BRINP3: variants seen among roughly 807,000 people sequenced by gnomAD.
The protein encoded by BRINP3 is BMP/retinoic acid-inducible neural-specific protein 3.
In BRINP3, 19 loss-of-function variants were observed where a neutral mutation model predicts 71.0. The observed-to-expected ratio is 0.27, with a 90% CI of 0.19 to 0.39. BRINP3 has a LOEUF of 0.39. Ranked by LOEUF, BRINP3 falls within the 10% of genes least tolerant of loss-of-function variation. The pLI is 1.00. For missense variants in BRINP3, 959 were observed against 940.8 expected, an observed-to-expected ratio of 1.02 and a Z score of -0.25; for synonymous variants, 380 against 337.7, an observed-to-expected ratio of 1.13 and a Z score of -1.37.
intron 6 of BRINP3, among the ~76,000 whole-genome samples, chr1:190,163,490 A>T (rs1651202176): frequency 6.6e-6 from 1 of 152,092 alleles, no homozygotes; most frequent in African/African-American, 2.4e-5. Flanking sequence ...TTTGAGGACA[A>T]TGGAGAAACA....
intron 2 of BRINP3, among the ~76,000 whole-genome samples, chr1:190,349,516 T>G (rs1283441531): frequency 6.6e-6 from 1 of 152,126 alleles, no homozygotes; most frequent in Non-Finnish European, 1.5e-5. Context: ...GTGCTTTCTA[T>G]TAGTCATTTA....
intron 5 of BRINP3, among the ~76,000 whole-genome samples, chr1:190,230,260 A>G (rs564802815): frequency 1.3e-5 from 2 of 151,998 alleles, no homozygotes; most frequent in African/African-American, 4.8e-5. Context: ...AAACAAATAT[A>G]AAATAATATT....
intron 6 of BRINP3, among the ~76,000 whole-genome samples, chr1:190,182,402 T>C (rs566572157): frequency 2.8e-4 from 42 of 152,246 alleles, no homozygotes; most frequent in African/African-American, 9.9e-4. Flanking sequence ...GCTGTTCAGA[T>C]TGAATAATTT....
At chr1:190,304,190 T>G (rs1664931813) in intron 2 of BRINP3, among the ~76,000 whole-genome samples, 1 of 151,860 alleles carries the variant, frequency 6.6e-6, no homozygotes, top group Non-Finnish European at 1.5e-5. Flanking sequence ...ATCATTAAAA[T>G]GTTTCTTTTT....
intron 6 of BRINP3, among the ~76,000 whole-genome samples, chr1:190,187,465 T>A (rs949558055): frequency 6.6e-6 from 1 of 152,130 alleles, no homozygotes; most frequent in Non-Finnish European, 1.5e-5. Context: ...CAGACCAACA[T>A]CATGGAGGTA....
intron 2 of BRINP3, among the ~76,000 whole-genome samples, chr1:190,314,689 C>T (rs1488473995): frequency 6.6e-6 from 1 of 152,128 alleles, no homozygotes; most frequent in African/African-American, 2.4e-5. Context: ...TCCTGTTGGA[C>T]TTCTGGCCCC....
chr1:190,258,346 C>CGGGA (rs1558118067), intron 4 of BRINP3, among the ~76,000 whole-genome samples: 2 of 152,000 alleles, frequency 1.3e-5, no homozygotes, highest in African/African-American at 2.4e-5. Context: ...CCTGGAAAAA[C>CGGGA]GGGACACTCC....
chr1:190,224,382 G>C (rs529518633), intron 6 of BRINP3, among the ~76,000 whole-genome samples: 6 of 150,926 alleles, frequency 4.0e-5, no homozygotes, highest in African/African-American at 1.5e-4. Flanking sequence ...CATACGTTGG[G>C]GAAAAGAAAA....
rs144099810 is a variant in BRINP3 at position 190,174,963 on chromosome 1, C to A, written c.962-14073G>T. ...CTGCTGTAGAGGTGAGCTTCTCTGA[C>A]CATAGCTCTGAAAATCACCATTACT... is the stretch of plus-strand genomic sequence containing the variant. On this transcript the variant is annotated intron_variant, in intron 6 of 7. Coordinates refer to ENST00000367462, the MANE Select transcript of BRINP3 (RefSeq NM_199051.3). 1.2e-4 allele frequency among the ~76,000 whole-genome samples: 19 copies of A among 152,174 alleles called. No homozygotes were observed. The East Asian group carries it at 3.7e-3, about 29-fold the overall frequency.
At chr1:190,469,781 A>T (rs1308619786) in intron 1 of BRINP3, among the ~76,000 whole-genome samples, 3 of 151,090 alleles carry the variant, frequency 2.0e-5, no homozygotes, top group Non-Finnish European at 4.5e-5. Flanking sequence ...ATTTAAAAGC[A>T]GTTACAAAAA....
chr1:190,230,187 C>G (rs1332561528), intron 5 of BRINP3, among the ~76,000 whole-genome samples: 1 of 151,216 alleles, frequency 6.6e-6, no homozygotes, highest in African/African-American at 2.4e-5. Flanking sequence ...GATGGAAAGG[C>G]CTAAACCACA....
At chr1:190,111,420 A>G (rs1652686565) in intron 7 of BRINP3, among the ~76,000 whole-genome samples, 1 of 152,070 alleles carries the variant, frequency 6.6e-6, no homozygotes, top group African/African-American at 2.4e-5. Context: ...ATATGTAATT[A>G]TGTAATTTAA....
chr1:190,335,648 T>C (rs1168320892), intron 2 of BRINP3, among the ~76,000 whole-genome samples: 1 of 151,828 alleles, frequency 6.6e-6, no homozygotes, highest in East Asian at 1.9e-4. Context: ...ATTAACACTT[T>C]ATATATAAAT....
chr1:190,114,594 T>C (rs1289225621), intron 7 of BRINP3, among the ~76,000 whole-genome samples: 1 of 151,650 alleles, frequency 6.6e-6, no homozygotes, highest in Admixed American at 6.6e-5. Context: ...TGGTCTCTTC[T>C]AAATACATTG....
intron 2 of BRINP3, 77 bp downstream of exon 2, chr1:190,454,573 TGAAAC>T: frequency 8.7e-7 from 1 of 1,152,524 alleles, no homozygotes; most frequent in Non-Finnish European, 1.2e-6. Context: ...TTTTCCCGTC[TGAAAC>T]TTTCCCTTAG....
At chr1:190,234,135 A>T (rs1215879344) in intron 5 of BRINP3, among the ~76,000 whole-genome samples, 1 of 152,136 alleles carries the variant, frequency 6.6e-6, no homozygotes, top group East Asian at 1.9e-4. Context: ...ATTAGGACAG[A>T]TTTTCAATTG....
At chr1:190,415,272 T>C (rs1672940299) in intron 2 of BRINP3, among the ~76,000 whole-genome samples, 1 of 152,186 alleles carries the variant, frequency 6.6e-6, no homozygotes, top group East Asian at 1.9e-4. Context: ...CCTGAATTAC[T>C]ACCAATCAGG....
intron 2 of BRINP3, among the ~76,000 whole-genome samples, chr1:190,349,065 G>T (rs1024895781): frequency 6.6e-6 from 1 of 152,072 alleles, no homozygotes; most frequent in Non-Finnish European, 1.5e-5. Context: ...TGATGAGATG[G>T]TATGTTGATC....
chr1:190,150,018 C>T (rs1656245735), intron 7 of BRINP3, among the ~76,000 whole-genome samples: 1 of 152,074 alleles, frequency 6.6e-6, no homozygotes, highest in Non-Finnish European at 1.5e-5. Context: ...CACTTTATAA[C>T]TTGTGTGGGC....
Sources: gnomAD v4.1 joint callset for allele counts (sites outside exome capture counted in the v4.1 genomes callset) on GRCh38, gnomAD v4.1.1 for gene constraint, MANE v1.5 for transcripts, NCBI Gene and HGNC (gene_info 2026-07-23, HGNC 2026-07-21) for gene names.